Variants in EYS observed in about 807,000 individuals in gnomAD.
EYS encodes EGF-like photoreceptor maintenance factor, also known as protein eyes shut homolog.
A neutral mutation model predicts 282.1 loss-of-function variants in EYS; 250 were observed. The observed-to-expected ratio is 0.89, with a 90% CI of 0.80 to 0.98. The LOEUF (loss-of-function observed/expected upper bound fraction) is 0.98, where lower values mean the gene tolerates loss of function less well. Among genes scored for constraint, EYS ranks in the 50% least tolerant of loss-of-function variants. The probability of loss-of-function intolerance (pLI) is 0.00; values close to 1 mark genes in which losing one functional copy is unlikely to be tolerated. For missense variants in EYS, 4,016 were observed against 3,709.0 expected (o/e 1.08, Z -2.15); for synonymous variants, 1,355 against 1,282.9 (o/e 1.06, Z -1.20).
intron 19 of EYS, among the ~76,000 whole-genome samples, chr6:64,842,681 A>G (rs1270677238): frequency 6.6e-6 from 1 of 152,098 alleles, no homozygotes; most frequent in Non-Finnish European, 1.5e-5. Context: ...GCTACATTTT[A>G]GCAAAGAGAC....
Position 64,565,351 on chromosome 6 carries a change from G to T in EYS, c.5644+24872C>A, listed in dbSNP as rs1399159677. Among the ~76,000 whole-genome samples, 10 of 151,890 alleles carry T rather than the reference G, an allele frequency of 6.6e-5. 1 individual carries two copies. The highest frequency in any genetic ancestry group is 2.9e-5 in the Non-Finnish European group (2 of 67,948). ...TACATTTAAGTCTTAAATTCATTTTGAGTTGATTTTTATACGATGTGAGGT... is the reference window on the plus strand; with the variant it reads ...TACATTTAAGTCTTAAATTCATTTTTAGTTGATTTTTATACGATGTGAGGT... On this transcript the variant is annotated intron_variant, in intron 26 of 42. Transcript: ENST00000503581.
intron 30 of EYS, among the ~76,000 whole-genome samples, chr6:64,273,511 T>C (rs552055815): frequency 6.6e-6 from 1 of 152,258 alleles, no homozygotes; most frequent in East Asian, 1.9e-4. Flanking sequence ...TTGTATAGGC[T>C]CATGTATTTT....
intron 5 of EYS, among the ~76,000 whole-genome samples, chr6:65,436,533 C>G (rs1297961376): frequency 6.6e-6 from 1 of 152,106 alleles, no homozygotes; most frequent in Non-Finnish European, 1.5e-5. Context: ...AGGGGAAACA[C>G]AGAAATTGCT....
chr6:65,103,150 T>C (rs2150184363), intron 12 of EYS, among the ~76,000 whole-genome samples: 1 of 151,570 alleles, frequency 6.6e-6, no homozygotes, highest in Admixed American at 6.6e-5. Context: ...GGTCAAGCAT[T>C]GTTATGTCTT....
chr6:65,336,604 AT>A (rs201337149), intron 10 of EYS, among the ~76,000 whole-genome samples: 1,613 of 151,600 alleles, frequency 0.011, 30 homozygotes, highest in African/African-American at 0.037. Flanking sequence ...TGGAAAATCT[AT>A]TTGTGGTTTT....
intron 35 of EYS, among the ~76,000 whole-genome samples, chr6:63,931,374 C>A (rs73439125): frequency 6.6e-6 from 1 of 152,120 alleles, no homozygotes; most frequent in African/African-American, 2.4e-5. Context: ...AAGGTCCTTC[C>A]CTTTGTTTCT....
chr6:64,233,253 CATT>C (rs1766483481), intron 30 of EYS, among the ~76,000 whole-genome samples: 1 of 152,018 alleles, frequency 6.6e-6, no homozygotes, highest in Non-Finnish European at 1.5e-5. Context: ...TTGAAAGAAA[CATT>C]AATCATTTGA....
In EYS at chr6:65,265,397, G is replaced by T. The variant is rs149098370; in HGVS notation, c.2023+30466C>A. Among the ~76,000 whole-genome samples, 792 of 152,054 alleles carry T rather than the reference G, an allele frequency of 5.2e-3. 6 individuals carry two copies. The highest frequency in any genetic ancestry group is 0.018 in the African/African-American group (762 of 41,522). Reference sequence around the variant, plus strand: ...ACTATTAGGGGATAAGGTATTTAAAGCAGGGACTATGGTTTGCTATTCTGT... The same window carrying T: ...ACTATTAGGGGATAAGGTATTTAAATCAGGGACTATGGTTTGCTATTCTGT... On this transcript the variant is annotated intron_variant, in intron 12 of 42. Coordinates refer to ENST00000503581, the MANE Select transcript of EYS (RefSeq NM_001142800.2).
At chr6:64,896,671 C>G (rs1767480563) in intron 18 of EYS, among the ~76,000 whole-genome samples, 1 of 152,030 alleles carries the variant, frequency 6.6e-6, no homozygotes, top group Admixed American at 6.6e-5. Flanking sequence ...ATCCCACCCC[C>G]ACAGAGCCCA....
chr6:65,217,407 A>C (rs1766343225), intron 12 of EYS, among the ~76,000 whole-genome samples: 1 of 152,042 alleles, frequency 6.6e-6, no homozygotes. Context: ...AAATTATATG[A>C]TCACTTATAA....
At chr6:64,180,000 G>A (rs1033091539) in intron 31 of EYS, among the ~76,000 whole-genome samples, 1 of 152,020 alleles carries the variant, frequency 6.6e-6, no homozygotes, top group Non-Finnish European at 1.5e-5. Context: ...TCAGATCTGA[G>A]GTTTGAGATA....
chr6:63,988,501 A>G (rs1767468593), intron 34 of EYS, among the ~76,000 whole-genome samples: 1 of 151,676 alleles, frequency 6.6e-6, no homozygotes, highest in South Asian at 2.1e-4. Context: ...GAGTCCTGAA[A>G]TGTCTAAAAA....
At position 63,726,638 on chromosome 6, in the gene EYS, GA is replaced by G; in HGVS notation, c.8113del (p.Ser2705ProfsTer36). On this transcript the variant is annotated frameshift_variant, in exon 42 of 43. Transcript: ENST00000503581. LOFTEE classifies it high-confidence loss of function. ...SDPSFRSNEL[S>X]WMSFASFHVR... ...ATGAAAGGAAGCAAAAGACATCCAG[GA>G]TAACTCATTGCTTCTGAAAGATGGA... The G allele has an allele frequency of 6.4e-7, 1 of 1,551,302 alleles. No homozygotes were observed. Among genetic ancestry groups the G allele is most frequent in the Non-Finnish European group, 8.7e-7 (1 of 1,146,754 alleles).
intron 26 of EYS, among the ~76,000 whole-genome samples, chr6:64,448,275 A>G (rs1319115833): frequency 6.6e-6 from 1 of 152,148 alleles, no homozygotes. Context: ...CAGCAGTCTG[A>G]GATCAAACTG....
intron 31 of EYS, among the ~76,000 whole-genome samples, chr6:64,085,323 C>T (rs1772110267): frequency 7.9e-6 from 1 of 126,106 alleles, no homozygotes; most frequent in South Asian, 2.4e-4. Flanking sequence ...GACGCGCGCG[C>T]GTGCGCACGT....
At chr6:64,462,034 A>G (rs1477839887) in intron 26 of EYS, among the ~76,000 whole-genome samples, 1 of 152,166 alleles carries the variant, frequency 6.6e-6, no homozygotes, top group Non-Finnish European at 1.5e-5. Context: ...AATGGACAGA[A>G]AACATTTAAG....
At chr6:64,337,013 A>C (rs923199643) in intron 29 of EYS, among the ~76,000 whole-genome samples, 5 of 152,096 alleles carry the variant, frequency 3.3e-5, no homozygotes, top group Admixed American at 6.6e-5. Flanking sequence ...AAACACCTAC[A>C]TCAAAAAGGC....
At chr6:64,052,442 C>T (rs1274817743) in intron 33 of EYS, among the ~76,000 whole-genome samples, 1 of 152,092 alleles carries the variant, frequency 6.6e-6, no homozygotes, top group Non-Finnish European at 1.5e-5. Flanking sequence ...GTATAACATA[C>T]CTCCTTGTAT....
At chr6:64,029,487 C>A (rs943370246) in intron 33 of EYS, among the ~76,000 whole-genome samples, 2 of 152,182 alleles carry the variant, frequency 1.3e-5, no homozygotes, top group African/African-American at 4.8e-5. Context: ...ATACCAGGTA[C>A]TCCTCCTTGA....
Sources: allele counts gnomAD v4.1 joint callset (sites outside exome capture counted in the v4.1 genomes callset), GRCh38; gene constraint gnomAD v4.1.1; transcripts MANE v1.5; gene names NCBI Gene and HGNC (gene_info 2026-07-23, HGNC 2026-07-21).